The following ASAH2 variants were observed in gnomAD, a reference collection of about 807,000 sequenced individuals.
ASAH2 encodes neutral ceramidase.
In ASAH2, 58 loss-of-function variants were observed where a neutral mutation model predicts 82.9. That is an observed-to-expected ratio of 0.70 (90% CI 0.57 to 0.87). ASAH2 has a LOEUF of 0.87. Ranked by LOEUF, ASAH2 falls within the 40% of genes least tolerant of loss-of-function variation. The probability of loss-of-function intolerance (pLI) is 0.00; values close to 1 mark genes in which losing one functional copy is unlikely to be tolerated. For synonymous variants in ASAH2, 276 were observed against 289.7 expected, an observed-to-expected ratio of 0.95 and a Z score of 0.48; for missense variants, 779 against 834.0, an observed-to-expected ratio of 0.93 and a Z score of 0.81.
At chr10:50,198,751 T>C (rs1845060299) in intron 17 of ASAH2, among the ~76,000 whole-genome samples, 1 of 151,994 alleles carries the variant, frequency 6.6e-6, no homozygotes, top group Non-Finnish European at 1.5e-5. Context: ...AAATGATATC[T>C]CCTTAATTTC....
In ASAH2 at chr10:50,185,035, T is replaced by G. The variant is rs1279553627; in HGVS notation, c.*2280A>C. ...GGGTACAGCAAATAAAATGCAGACA[T>G]TTTAACATGAGAAACAAAATCTCCA... On this transcript the variant is annotated 3_prime_UTR_variant, in exon 21 of 21. Transcript: ENST00000682911. 42 of 151,270 alleles carry G rather than the reference T, an allele frequency of 2.8e-4. 1 individual carries two copies. Among genetic ancestry groups the G allele is most frequent in the African/African-American group, 1.0e-3 (41 of 41,092 alleles). 9.4% of individuals were successfully genotyped at this position (151,270 alleles called of 1,614,324 possible). A position where few individuals can be genotyped will look rare whatever the true frequency, so the allele number is the denominator to read the frequency against.
chr10:50,246,649 G>A (rs1335935040), intron 2 of ASAH2, among the ~76,000 whole-genome samples: 3 of 152,148 alleles, frequency 2.0e-5, no homozygotes, highest in Non-Finnish European at 4.4e-5. Context: ...TTAACCAATA[G>A]TTAATGGAGA....
At chr10:50,199,193 T>G in intron 16 of ASAH2, 47 bp from the exon 17 acceptor site, 1 of 1,602,016 alleles carries the variant, frequency 6.2e-7, no homozygotes, top group Non-Finnish European at 8.5e-7. Flanking sequence ...CTTATTTAAA[T>G]CCATTTACAG....
intron 4 of ASAH2, among the ~76,000 whole-genome samples, chr10:50,237,005 G>T (rs1846178223): frequency 6.6e-6 from 1 of 152,052 alleles, no homozygotes; most frequent in Admixed American, 6.6e-5. Context: ...GAAAAACATT[G>T]TTGCATAAGG....
intron 4 of ASAH2, among the ~76,000 whole-genome samples, chr10:50,239,695 C>T (rs1337689306): frequency 6.6e-6 from 1 of 152,048 alleles, no homozygotes; most frequent in Non-Finnish European, 1.5e-5. Flanking sequence ...AATAATAATA[C>T]CTCCCTCATA....
rs1250841244 is a variant in ASAH2, at chr10:50,210,725, A to G, written c.1414+98T>C. On this transcript the variant is annotated intron_variant, in intron 12 of 20. Transcript: ENST00000682911. ...AAAACCAGCAGACCCTGAGTTTAAA[A>G]ATTAATAAATGTATTGGCTACAATG... The G allele has an allele frequency of 6.2e-6, 7 of 1,132,994 alleles. No individual in the cohort carries two copies. The African/African-American group carries it at 1.1e-4, about 17-fold the overall frequency. The allele number at this position is 1,132,994 out of a possible 1,614,324, so 70.2% of individuals were successfully genotyped here.
intron 7 of ASAH2, among the ~76,000 whole-genome samples, chr10:50,228,857 G>A (rs943644052): frequency 6.6e-5 from 10 of 152,146 alleles, no homozygotes; most frequent in African/African-American, 2.4e-4. Flanking sequence ...GAGAAGGAAG[G>A]AGAAGAGGAG....
At chr10:50,212,302 C>T (rs1845477758) in intron 10 of ASAH2, among the ~76,000 whole-genome samples, 3 of 151,736 alleles carry the variant, frequency 2.0e-5, no homozygotes, top group Non-Finnish European at 4.4e-5. Flanking sequence ...GTCTTTTTGC[C>T]TAGAAATATG....
At chr10:50,195,219 G>A (rs1293522844) in intron 18 of ASAH2, among the ~76,000 whole-genome samples, 1 of 151,592 alleles carries the variant, frequency 6.6e-6, no homozygotes, top group Non-Finnish European at 1.5e-5. Context: ...GACCCAACTT[G>A]AAAATAAGAA....
rs1844769005 is a variant in ASAH2, at chr10:50,187,116, TCTCACA to T, written c.*193_*198del. ...CTCTCTCTCTCTCTCTCTCTCTCTC[TCTCACA>T]CACACACACACACACACACACACAC... On this transcript the variant is annotated 3_prime_UTR_variant, in exon 21 of 21. Transcript: ENST00000682911. The T allele has an allele frequency of 2.0e-4, 45 of 230,034 alleles. 1 individual carries two copies. The highest frequency in any genetic ancestry group is 6.1e-4 in the African/African-American group (16 of 26,118). The allele number at this position is 230,034 out of a possible 1,614,324, so 14.2% of individuals were successfully genotyped here.
chr10:50,203,016 C>T, intron 15 of ASAH2, 92 bp from the exon 16 acceptor site: 1 of 897,832 alleles, frequency 1.1e-6, no homozygotes, highest in Non-Finnish European at 1.8e-6. Context: ...ATTGATTACA[C>T]TATTAGTTTA....
chr10:50,213,143 A>G (rs1404835191), intron 9 of ASAH2, 85 bp from the exon 10 acceptor site: 1 of 1,249,864 alleles, frequency 8.0e-7, no homozygotes, highest in South Asian at 1.2e-5. Context: ...ATCTAAGCAA[A>G]TAGATTTTTA....
At chr10:50,241,025 T>G (rs974374144) in intron 4 of ASAH2, among the ~76,000 whole-genome samples, 1 of 152,236 alleles carries the variant, frequency 6.6e-6, no homozygotes, top group African/African-American at 2.4e-5. Context: ...CCTTGCTCAT[T>G]CTCTTGGGTC....
chr10:50,232,746 T>A (rs1846050506), intron 7 of ASAH2, among the ~76,000 whole-genome samples: 1 of 152,096 alleles, frequency 6.6e-6, no homozygotes, highest in Non-Finnish European at 1.5e-5. Flanking sequence ...ACTTAATCCT[T>A]TTAGGGAAAC....
At chr10:50,221,627 T>TTGTG (rs1364076496) in intron 7 of ASAH2, among the ~76,000 whole-genome samples, 4,723 of 144,678 alleles carry the variant, frequency 0.033, 135 homozygotes, top group African/African-American at 0.07. Flanking sequence ...TGAATTCAGG[T>TTGTG]TGTATGTGTG....
intron 5 of ASAH2, 42 bp from the exon 6 acceptor site, chr10:50,234,594 C>T: frequency 1.2e-6 from 2 of 1,611,956 alleles, no homozygotes; most frequent in Non-Finnish European, 1.7e-6. Context: ...GCTTAGAAAT[C>T]CTGGTGGGGA....
intron 7 of ASAH2, among the ~76,000 whole-genome samples, chr10:50,227,916 C>A (rs923448243): frequency 3.9e-5 from 6 of 152,294 alleles, no homozygotes; most frequent in African/African-American, 1.4e-4. Flanking sequence ...CATGACCAAG[C>A]TCCACTGAAG....
chr10:50,234,042 A>AT (rs1268711757), intron 6 of ASAH2, among the ~76,000 whole-genome samples: 1 of 152,206 alleles, frequency 6.6e-6, no homozygotes, highest in East Asian at 1.9e-4. Context: ...CATTGAGCAC[A>AT]TTTTTATCTT....
At chr10:50,242,002 T>C (rs746975005) in intron 4 of ASAH2, among the ~76,000 whole-genome samples, 6 of 152,016 alleles carry the variant, frequency 3.9e-5, no homozygotes, top group Non-Finnish European at 8.8e-5. Flanking sequence ...AAACTCCACG[T>C]TCTGCACATG....
Sources: allele counts gnomAD v4.1 joint callset (sites outside exome capture counted in the v4.1 genomes callset), GRCh38; gene constraint gnomAD v4.1.1; transcripts MANE v1.5; gene names NCBI Gene and HGNC (gene_info 2026-07-23, HGNC 2026-07-21).